Variants in TSC22D1 observed in about 807,000 individuals in gnomAD.
TSC22D1 encodes TSC22 domain family member 1.
In TSC22D1, 9 loss-of-function variants were observed where a neutral mutation model predicts 74.2. The observed-to-expected ratio is 0.12, with a 90% CI of 0.07 to 0.21. The LOEUF is 0.21. Among genes scored for constraint, TSC22D1 ranks in the 10% least tolerant of loss-of-function variants. TSC22D1 has a pLI of 1.00. For synonymous variants in TSC22D1, 586 were observed against 492.5 expected, an observed-to-expected ratio of 1.19 and a Z score of -2.51; for missense variants, 1,427 against 1,304.7, an observed-to-expected ratio of 1.09 and a Z score of -1.44.
rs1436088628 is a variant in TSC22D1, at chr13:44,573,974, C to G, written c.2101G>C (p.Val701Leu). The G allele has an allele frequency of 2.5e-6, 4 of 1,613,936 alleles. No homozygotes were observed. Among genetic ancestry groups the G allele is most frequent in the Non-Finnish European group, 3.4e-6 (4 of 1,180,046 alleles). ...GATGCCCCTGCAGGTTGTGCTGGGA[C>G]TGCTGTGGGCTGCACTGGCAGCTGG... ...GIQLPVQPTAVPAQPAGASVQ... is the reference protein window; with the variant it reads ...GIQLPVQPTALPAQPAGASVQ... Residue 701 changes from valine to leucine, a missense_variant, in exon 1 of 3, where the codon GTC becomes CTC. Transcript: ENST00000458659.
intron 1 of TSC22D1, chr13:44,538,242 T>C: frequency 1.0e-6 from 1 of 985,310 alleles, no homozygotes; most frequent in Non-Finnish European, 1.2e-6. Flanking sequence ...ACCAAGCTAC[T>C]TACATCTCAA....
intron 1 of TSC22D1, among the ~76,000 whole-genome samples, chr13:44,517,745 A>G (rs1469141311): frequency 7.6e-6 from 1 of 131,244 alleles, no homozygotes; most frequent in African/African-American, 2.8e-5. Flanking sequence ...ATACATATAT[A>G]CGTATATATG....
intron 1 of TSC22D1, among the ~76,000 whole-genome samples, chr13:44,460,104 T>C (rs1876918777): frequency 1.3e-5 from 2 of 152,206 alleles, no homozygotes; most frequent in Non-Finnish European, 2.9e-5. Flanking sequence ...ACAATAATAT[T>C]GTTATGACAT....
rs760391914 is a variant in TSC22D1, at chr13:44,575,899, G to T, written c.176C>A (p.Pro59Gln). The T allele has an allele frequency of 2.5e-6, 4 of 1,613,970 alleles. No homozygotes were observed. Among genetic ancestry groups the T allele is most frequent in the Admixed American group, 3.3e-5 (2 of 60,014 alleles). ...CGGCGGCTGAAGCAGCGACGGAGGCGGAAAATCCTCGGAAGATGTGGCATT... is the reference window on the plus strand; with the variant it reads ...CGGCGGCTGAAGCAGCGACGGAGGCTGAAAATCCTCGGAAGATGTGGCATT... ...GSNATSSEDF[P>Q]PPSLLQPPPP... Residue 59 changes from proline (P) to glutamine (Q), a missense_variant, in exon 1 of 3, where the codon CCG becomes CAG. Around this residue, in one of 3 missense-constraint regions of TSC22D1, gnomAD observed 1,343 missense variants for 1,191.5 expected, o/e 1.13. Transcript: ENST00000458659.
intron 1 of TSC22D1, among the ~76,000 whole-genome samples, chr13:44,517,815 G>GTGTGTGTGTA (rs71214132): frequency 1.0e-4 from 2 of 19,090 alleles, no homozygotes; most frequent in African/African-American, 1.7e-4. Context: ...ATATATATGT[G>GTGTGTGTGTA]TGTGTGTGTG....
At chr13:44,533,286 C>A (rs1386539797) in intron 1 of TSC22D1, among the ~76,000 whole-genome samples, 3 of 150,956 alleles carry the variant, frequency 2.0e-5, no homozygotes, top group Non-Finnish European at 3.0e-5. Flanking sequence ...CATGGTGAAA[C>A]CTCATCTCTA....
chr13:44,497,649 C>T (rs993436921), intron 1 of TSC22D1, among the ~76,000 whole-genome samples: 1 of 152,166 alleles, frequency 6.6e-6, no homozygotes, highest in Non-Finnish European at 1.5e-5. Flanking sequence ...TCATCACTTA[C>T]ACCCCACCTG....
chr13:44,446,875 C>CATA (rs34867174), intron 1 of TSC22D1, among the ~76,000 whole-genome samples: 146,446 of 151,590 alleles, frequency 0.97, 70,852 homozygotes, highest in Non-Finnish European at 1. Context: ...GAAAAAGAAA[C>CATA]ATATTTTTAA....
intron 1 of TSC22D1, among the ~76,000 whole-genome samples, chr13:44,532,815 A>G (rs1254059314): frequency 3.9e-5 from 6 of 152,142 alleles, no homozygotes; most frequent in African/African-American, 1.2e-4. Context: ...TGCTACATGA[A>G]TAAGAGGTAA....
intron 2 of TSC22D1, 149 bp downstream of exon 2, chr13:44,435,895 C>T (rs1226023377): frequency 5.8e-6 from 5 of 855,010 alleles, no homozygotes; most frequent in Non-Finnish European, 9.6e-6. Flanking sequence ...GGTGGCTCCA[C>T]GCTGGCCGAA....
At chr13:44,483,604 C>T (rs1878288075) in intron 1 of TSC22D1, among the ~76,000 whole-genome samples, 1 of 151,008 alleles carries the variant, frequency 6.6e-6, no homozygotes, top group African/African-American at 2.4e-5. Context: ...GGAGGCGGAG[C>T]TTGCAGTGAG....
chr13:44,435,819 C>G, intron 2 of TSC22D1: 1 of 573,174 alleles, frequency 1.7e-6, no homozygotes, highest in Non-Finnish European at 3.1e-6. Flanking sequence ...CGTGTGAAAC[C>G]AGTCCGGGGA....
At chr13:44,516,519 A>G (rs1879991816) in intron 1 of TSC22D1, among the ~76,000 whole-genome samples, 1 of 152,188 alleles carries the variant, frequency 6.6e-6, no homozygotes, top group African/African-American at 2.4e-5. Context: ...AACACATCAA[A>G]GACACCCAGG....
intron 1 of TSC22D1, among the ~76,000 whole-genome samples, chr13:44,546,192 GA>G (rs1418947115): frequency 5.9e-5 from 9 of 152,082 alleles, no homozygotes; most frequent in Non-Finnish European, 8.8e-5. Flanking sequence ...GATCAAGCAA[GA>G]ATCATCAATG....
intron 1 of TSC22D1, among the ~76,000 whole-genome samples, chr13:44,446,822 A>AGGAAGAGGAGGG (rs1875705569): frequency 7.0e-6 from 1 of 143,216 alleles, no homozygotes. Flanking sequence ...GAAGAGGAGG[A>AGGAAGAGGAGGG]GGAAGAAGAG....
chr13:44,570,901 A>C (rs146835632), intron 1 of TSC22D1, among the ~76,000 whole-genome samples: 35 of 152,352 alleles, frequency 2.3e-4, no homozygotes, highest in African/African-American at 7.5e-4. Flanking sequence ...GGGCAAATTT[A>C]AATGAAAATT....
intron 1 of TSC22D1, among the ~76,000 whole-genome samples, chr13:44,448,234 C>G (rs1875841781): frequency 6.6e-6 from 1 of 152,114 alleles, no homozygotes; most frequent in Admixed American, 6.5e-5. Context: ...TTTTGCACAG[C>G]TATGAAAAAT....
intron 1 of TSC22D1, among the ~76,000 whole-genome samples, chr13:44,505,345 G>A (rs920909936): frequency 1.3e-5 from 2 of 152,152 alleles, no homozygotes; most frequent in African/African-American, 4.8e-5. Context: ...CTTGAGCTCA[G>A]GAGTTCGAGA....
At chr13:44,535,760 G>A (rs546793160) in intron 1 of TSC22D1, among the ~76,000 whole-genome samples, 10 of 151,976 alleles carry the variant, frequency 6.6e-5, no homozygotes, top group Non-Finnish European at 1.3e-4. Context: ...AAAATACAAT[G>A]GTAAGCCAAA....
Sources: gnomAD v4.1 joint callset for allele counts (sites outside exome capture counted in the v4.1 genomes callset) on GRCh38, gnomAD v4.1.1 for gene constraint, gnomAD v4.1.1 regional missense constraint, MANE v1.5 for transcripts, NCBI Gene and HGNC (gene_info 2026-07-23, HGNC 2026-07-21) for gene names.